Variants in COX10 observed in about 807,000 individuals in gnomAD.
COX10 encodes the protein cytochrome c oxidase assembly factor heme A:farnesyltransferase COX10.
In COX10, 27 loss-of-function variants were observed where a neutral mutation model predicts 37.3. That is an observed-to-expected ratio of 0.72 (90% confidence interval 0.53 to 1.00). The LOEUF is 1.00. Ranked by LOEUF, COX10 falls within the 50% of genes least tolerant of loss-of-function variation. The probability of loss-of-function intolerance (pLI) is 0.00; values close to 1 mark genes in which losing one functional copy is unlikely to be tolerated. For synonymous variants in COX10, 222 were observed against 229.1 expected (o/e 0.97, Z 0.28); for missense variants, 475 against 563.2 (o/e 0.84, Z 1.59).
Position 14,208,497 on chromosome 17 carries a change from A to C in COX10, c.*1284A>C, listed in dbSNP as rs1053491315. On this transcript the variant is annotated 3_prime_UTR_variant, in exon 7 of 7. Transcript: ENST00000261643. ...AAATGTCTAAAGGGATTGTAGGTAG[A>C]TAACATCCAATCACTGTTTGCACTT... The C allele has an allele frequency of 6.6e-6, 1 of 152,248 alleles. No individual in the cohort carries two copies. The highest frequency in any genetic ancestry group is 2.4e-5 in the African/African-American group (1 of 41,466). The allele number at this position is 152,248 out of a possible 1,614,324, so 9.4% of individuals were successfully genotyped here.
At chr17:14,087,463 C>A (rs1597495379) in intron 3 of COX10, among the ~76,000 whole-genome samples, 1 of 152,148 alleles carries the variant, frequency 6.6e-6, no homozygotes, top group Non-Finnish European at 1.5e-5. Context: ...TCTTCTATAC[C>A]TACAGCAGTG....
chr17:14,133,420 A>G (rs1916508976), intron 4 of COX10, among the ~76,000 whole-genome samples: 1 of 151,636 alleles, frequency 6.6e-6, no homozygotes, highest in Non-Finnish European at 1.5e-5. Context: ...TTAAATTAGG[A>G]TAATTAAGTT....
chr17:14,205,927 A>C (rs1348556781), intron 6 of COX10, among the ~76,000 whole-genome samples: 5 of 152,176 alleles, frequency 3.3e-5, no homozygotes, highest in African/African-American at 7.2e-5. Flanking sequence ...TTCCAGAGAA[A>C]GGGGCAAAAT....
intron 3 of COX10, among the ~76,000 whole-genome samples, chr17:14,087,564 T>A (rs1915437094): frequency 1.3e-5 from 2 of 152,186 alleles, no homozygotes; most frequent in South Asian, 4.1e-4. Context: ...CTTGTTGGAG[T>A]TCGCTCGCAT....
intron 3 of COX10, among the ~76,000 whole-genome samples, chr17:14,095,165 C>T (rs1305939185): frequency 6.6e-6 from 1 of 152,142 alleles, no homozygotes; most frequent in Non-Finnish European, 1.5e-5. Flanking sequence ...TTTCCTGTCA[C>T]CAGATTTGGA....
intron 4 of COX10, among the ~76,000 whole-genome samples, chr17:14,158,793 G>T (rs561272511): frequency 6.6e-6 from 1 of 152,182 alleles, no homozygotes; most frequent in East Asian, 1.9e-4. Flanking sequence ...CTCCGGGGAT[G>T]GTAAGGGAAC....
chr17:14,108,760 AAGG>A (rs1259878413), intron 4 of COX10, among the ~76,000 whole-genome samples: 3 of 152,152 alleles, frequency 2.0e-5, no homozygotes, highest in Non-Finnish European at 2.9e-5. Flanking sequence ...TAAACTCTGA[AAGG>A]AAAAACAGGT....
intron 4 of COX10, among the ~76,000 whole-genome samples, chr17:14,109,055 T>C (rs1387577311): frequency 7.2e-5 from 11 of 152,184 alleles, no homozygotes; most frequent in Admixed American, 7.2e-4. Flanking sequence ...CTGAATGTTG[T>C]GATTTGTTTG....
At chr17:14,101,280 T>C (rs1237424996) in intron 3 of COX10, among the ~76,000 whole-genome samples, 1 of 152,212 alleles carries the variant, frequency 6.6e-6, no homozygotes, top group Non-Finnish European at 1.5e-5. Flanking sequence ...ATTATCCATG[T>C]ACCTGTAATG....
chr17:14,192,001 T>C lies in COX10; in HGVS notation c.708T>C (p.Ala236=). The change falls in exon 6 of 7, where the codon GCT becomes GCC. Residue 236 remains alanine (A), a synonymous_variant. Coordinates refer to ENST00000261643, the MANE Select transcript of COX10 (RefSeq NM_001303.4). ...LVRGQISPLL[A]VSFATCCAVP... is the part of the protein sequence containing the mutation. The stretch of plus-strand genomic sequence containing the variant: ...GCTCTTTTTCCAGCCCATTGCTAGC[T>C]GTGTCCTTTGCCACTTGTTGTGCTG... 2 of 1,614,194 alleles carry C rather than the reference T, an allele frequency of 1.2e-6. No homozygotes were observed. Among genetic ancestry groups the C allele is most frequent in the Non-Finnish European group, 1.7e-6 (2 of 1,180,030 alleles).
intron 3 of COX10, among the ~76,000 whole-genome samples, chr17:14,091,976 C>T (rs1915539150): frequency 6.6e-6 from 1 of 151,980 alleles, no homozygotes; most frequent in Admixed American, 6.6e-5. Context: ...TTTATAGGCA[C>T]CAGTTTTATG....
chr17:14,150,937 G>C (rs1904876243), intron 4 of COX10, among the ~76,000 whole-genome samples: 1 of 152,096 alleles, frequency 6.6e-6, no homozygotes, highest in Admixed American at 6.6e-5. Context: ...ATATTCTAAG[G>C]GTTGATATTA....
In COX10 at chr17:14,104,691, A is replaced by T. The variant is rs572982305; in HGVS notation, c.624+2449A>T. On this transcript the variant is annotated intron_variant, in intron 4 of 6. Transcript: ENST00000261643. Reference sequence around the variant, plus strand: ...TTTAGCAGTTATTCATTTAGTTTTCAGTATTCTTTGTACTCTATTTCTGTG... The same window carrying T: ...TTTAGCAGTTATTCATTTAGTTTTCTGTATTCTTTGTACTCTATTTCTGTG... Among the ~76,000 whole-genome samples, 4 of 152,224 alleles carry T rather than the reference A, an allele frequency of 2.6e-5. No homozygotes were observed. In the East Asian group the frequency reaches 7.7e-4, roughly 29 times the overall value.
At position 14,132,287 on chromosome 17, in the gene COX10, A is replaced by T. The variant is rs73979163; in HGVS notation, c.625-27590A>T. 5.3e-3 allele frequency among the ~76,000 whole-genome samples: 812 copies of T among 152,094 alleles called. 13 individuals are homozygous for T. The highest frequency in any genetic ancestry group is 0.015 in the African/African-American group (641 of 41,558). ...CACTTGTGCCTAACATACGTATATG[A>T]TACCAGGTTCTGTAATTTTGTTGTT... is the stretch of plus-strand genomic sequence containing the variant. On this transcript the variant is annotated intron_variant, in intron 4 of 6. Transcript: ENST00000261643.
chr17:14,120,464 C>T lies in COX10; in HGVS notation c.624+18222C>T, dbSNP rs117431371. 2.8e-4 allele frequency among the ~76,000 whole-genome samples: 42 copies of T among 152,144 alleles called. No homozygotes were observed. In the East Asian group the frequency reaches 5.8e-3, roughly 21 times the overall value. On this transcript the variant is annotated intron_variant, in intron 4 of 6. Transcript: ENST00000261643. ...GAAGAAAACCAAGGTATCACAGAAA[C>T]GGAGGGCATATTTCAAGGAGGAAGG...
chr17:14,151,526 AACACACACACACACACACAC>A (rs58412592), intron 4 of COX10, among the ~76,000 whole-genome samples: 26 of 144,646 alleles, frequency 1.8e-4, no homozygotes, highest in Admixed American at 4.2e-4. Context: ...TTCCTGAACT[AACACACACACACACACACAC>A]ACACACACAC....
chr17:14,099,155 G>A (rs1915713979), intron 3 of COX10, among the ~76,000 whole-genome samples: 2 of 152,012 alleles, frequency 1.3e-5, no homozygotes. Context: ...TTATATCTGT[G>A]CATGTCTCTC....
chr17:14,108,397 G>A (rs1400556729), intron 4 of COX10, among the ~76,000 whole-genome samples: 1 of 152,128 alleles, frequency 6.6e-6, no homozygotes, highest in East Asian at 1.9e-4. Flanking sequence ...TTAGCTTTAA[G>A]GAAAACCATT....
At chr17:14,171,992 T>C (rs1905484405) in intron 5 of COX10, among the ~76,000 whole-genome samples, 1 of 152,212 alleles carries the variant, frequency 6.6e-6, no homozygotes, top group African/African-American at 2.4e-5. Context: ...TGATTTACCC[T>C]GGAATCTGTG....
Sources: gnomAD v4.1 joint callset for allele counts (sites outside exome capture counted in the v4.1 genomes callset) on GRCh38, gnomAD v4.1.1 for gene constraint, MANE v1.5 for transcripts, NCBI Gene and HGNC (gene_info 2026-07-23, HGNC 2026-07-21) for gene names.